The following BICDL1 variants were observed in gnomAD, a reference collection of about 807,000 sequenced individuals.
The protein encoded by BICDL1 is BICD family like cargo adaptor 1, also known as BICD family-like cargo adapter 1.
Under a neutral mutation model 76.8 loss-of-function variants are expected in BICDL1, and 20 were observed. That is an observed-to-expected ratio of 0.26 (90% CI 0.18 to 0.38). The LOEUF (loss-of-function observed/expected upper bound fraction) is 0.38, where lower values mean the gene tolerates loss of function less well. Ranked by LOEUF, BICDL1 falls within the 10% of genes least tolerant of loss-of-function variation. The pLI is 1.00. For synonymous variants in BICDL1, 383 were observed against 337.1 expected, an observed-to-expected ratio of 1.14 and a Z score of -1.49; for missense variants, 700 against 798.6, an observed-to-expected ratio of 0.88 and a Z score of 1.49.
At chr12:120,082,988 G>A (rs1306315752) in intron 8 of BICDL1, among the ~76,000 whole-genome samples, 2 of 151,828 alleles carry the variant, frequency 1.3e-5, no homozygotes, top group Admixed American at 6.6e-5. Flanking sequence ...TCAGCCTCCC[G>A]AATAGCTGGG....
At chr12:120,019,032 G>A (rs868329116) in intron 2 of BICDL1, 2 of 143,592 alleles carry the variant, frequency 1.4e-5, no homozygotes, top group Admixed American at 7.1e-5. Flanking sequence ...GCGACAGAGC[G>A]AGACTCCGTC....
chr12:119,997,698 A>G (rs1185008593), intron 1 of BICDL1, among the ~76,000 whole-genome samples: 1 of 152,132 alleles, frequency 6.6e-6, no homozygotes, highest in African/African-American at 2.4e-5. Flanking sequence ...CTTCATTTCT[A>G]AGACGAGATG....
Position 119,989,833 on chromosome 12 carries a change from C to A in BICDL1, c.-36C>A. On this transcript the variant is annotated 5_prime_UTR_variant, in exon 1 of 10. Transcript: ENST00000548673. The stretch of plus-strand genomic sequence containing the variant: ...CCCCTGCAGCCTGGCGCGCGCGGGC[C>A]GGGCCGCACCGCTGCGGGCTCCGCG... 1 of 1,176,404 alleles carries A rather than the reference C, an allele frequency of 8.5e-7. No homozygotes were observed. Among genetic ancestry groups the A allele is most frequent in the Non-Finnish European group, 1.1e-6 (1 of 952,072 alleles). The allele number at this position is 1,176,404 out of a possible 1,614,324, so 72.9% of individuals were successfully genotyped here. A position where few individuals can be genotyped will look rare whatever the true frequency, so the allele number is the denominator to read the frequency against.
At position 119,990,208 on chromosome 12, in the gene BICDL1, G is replaced by A. The variant is rs868060652; in HGVS notation, c.340G>A (p.Ala114Thr). Residue 114 changes from alanine (A) to threonine (T), a missense_variant, in exon 1 of 10, where the codon GCC becomes ACC. This residue lies in a region of BICDL1 where 225 missense variants were observed against 199.6 expected (regional missense o/e 1.13). Coordinates refer to ENST00000548673, the MANE Select transcript of BICDL1 (RefSeq NM_001367886.1). Reference sequence around the variant, plus strand: ...GAAGGAGAAGGATCTGGTGTTGGCGGCCCGGCTGGGTAAGGCGCTGCTCGA... The same window carrying A: ...GAAGGAGAAGGATCTGGTGTTGGCGACCCGGCTGGGTAAGGCGCTGCTCGA... ...RQKEKDLVLA[A>T]RLGKALLERN... The A allele has an allele frequency of 1.3e-6, 2 of 1,567,206 alleles. No homozygotes were observed. The highest frequency in any genetic ancestry group is 8.6e-7 in the Non-Finnish European group (1 of 1,156,724).
intron 2 of BICDL1, chr12:120,057,010 C>A: frequency 2.0e-6 from 1 of 501,290 alleles, no homozygotes; most frequent in South Asian, 1.5e-5. Context: ...TCCTCTCGCC[C>A]ACGCAGGTGG....
In BICDL1 at chr12:120,058,747, C is replaced by T. The variant is rs908664319; in HGVS notation, c.646-2963C>T. Among the ~76,000 whole-genome samples the T allele has an allele frequency of 1.3e-4, 19 of 151,952 alleles. No individual in the cohort carries two copies. In the East Asian group the frequency reaches 2.7e-3, roughly 22 times the overall value. ...CTAGGACTACAGGCACCCGCCACCACGCCCGCCTTATTTTTGTATTTTTAG... is the reference window on the plus strand; with the variant it reads ...CTAGGACTACAGGCACCCGCCACCATGCCCGCCTTATTTTTGTATTTTTAG... On this transcript the variant is annotated intron_variant, in intron 2 of 9. Transcript: ENST00000548673.
At chr12:120,004,669 G>T (rs548289829) in intron 2 of BICDL1, among the ~76,000 whole-genome samples, 12 of 152,238 alleles carry the variant, frequency 7.9e-5, no homozygotes, top group Non-Finnish European at 1.8e-4. Flanking sequence ...ATGAAAGATT[G>T]GCTCCCAATG....
At chr12:120,045,384 A>G (rs1274143749) in intron 2 of BICDL1, among the ~76,000 whole-genome samples, 2 of 151,546 alleles carry the variant, frequency 1.3e-5, no homozygotes, top group African/African-American at 4.8e-5. Flanking sequence ...ATCTAGAACT[A>G]GAAATACCAT....
chr12:120,077,441 G>A (rs534135673), intron 7 of BICDL1, among the ~76,000 whole-genome samples: 8 of 152,054 alleles, frequency 5.3e-5, no homozygotes, highest in Non-Finnish European at 1.0e-4. Flanking sequence ...ATGCAGGGGG[G>A]TCTTCTGCGA....
intron 2 of BICDL1, among the ~76,000 whole-genome samples, chr12:120,011,697 T>C (rs1035179160): frequency 1.1e-4 from 16 of 152,180 alleles, no homozygotes; most frequent in African/African-American, 3.9e-4. Flanking sequence ...TTATATTAGG[T>C]AGAATAACAT....
intron 2 of BICDL1, among the ~76,000 whole-genome samples, chr12:120,060,729 A>G (rs1462136970): frequency 2.0e-5 from 3 of 152,230 alleles, no homozygotes; most frequent in Non-Finnish European, 4.4e-5. Flanking sequence ...AATAAAAAAG[A>G]TGGACAATTG....
intron 2 of BICDL1, among the ~76,000 whole-genome samples, chr12:120,039,637 CAA>C (rs58284420): frequency 5.5e-5 from 3 of 54,758 alleles, no homozygotes; most frequent in Admixed American, 2.2e-4. Context: ...GACTCCGTCT[CAA>C]AAAAAAAAAA....
At chr12:120,023,416 T>C (rs1375545008) in intron 2 of BICDL1, among the ~76,000 whole-genome samples, 1 of 151,840 alleles carries the variant, frequency 6.6e-6, no homozygotes, top group Non-Finnish European at 1.5e-5. Flanking sequence ...ATAATAAAGA[T>C]CAAAAAAGGC....
intron 2 of BICDL1, among the ~76,000 whole-genome samples, chr12:120,002,626 A>G (rs1951779942): frequency 6.6e-6 from 1 of 152,222 alleles, no homozygotes; most frequent in African/African-American, 2.4e-5. Flanking sequence ...CCTTGAGTAA[A>G]ATATGAAAGC....
chr12:120,060,057 G>A (rs995835386), intron 2 of BICDL1, among the ~76,000 whole-genome samples: 1 of 152,148 alleles, frequency 6.6e-6, no homozygotes, highest in East Asian at 1.9e-4. Context: ...TGAGATGCTG[G>A]GCAAGTTCCT....
chr12:120,048,190 T>G (rs192585497), intron 2 of BICDL1, among the ~76,000 whole-genome samples: 45 of 152,264 alleles, frequency 3.0e-4, no homozygotes, highest in Admixed American at 2.9e-3. Flanking sequence ...TTACCTTTTT[T>G]TTTTTAAGAG....
intron 4 of BICDL1, among the ~76,000 whole-genome samples, chr12:120,068,505 G>A (rs1055931755): frequency 3.3e-5 from 5 of 152,190 alleles, no homozygotes; most frequent in Admixed American, 1.3e-4. Flanking sequence ...AGTTAGTGAT[G>A]GAGTGCACAG....
chr12:120,062,436 C>G (rs559008818), intron 3 of BICDL1, among the ~76,000 whole-genome samples: 44 of 152,160 alleles, frequency 2.9e-4, no homozygotes, highest in Admixed American at 3.9e-4. Context: ...CAGGCCTCCC[C>G]CTAGGGGAGG....
chr12:120,090,935 A>G (rs1484545619), intron 9 of BICDL1: 2 of 1,283,302 alleles, frequency 1.6e-6, no homozygotes, highest in Non-Finnish European at 1.0e-6. Flanking sequence ...GCTTTTTACT[A>G]TCTGGCTCCT....
Sources: gnomAD v4.1 joint callset for allele counts (sites outside exome capture counted in the v4.1 genomes callset) on GRCh38, gnomAD v4.1.1 for gene constraint, gnomAD v4.1.1 regional missense constraint, MANE v1.5 for transcripts, NCBI Gene and HGNC (gene_info 2026-07-23, HGNC 2026-07-21) for gene names.